Variants in ATP8B4 observed in about 807,000 individuals in gnomAD.
The protein encoded by ATP8B4 is probable phospholipid-transporting ATPase IM.
Under a neutral mutation model 145.6 loss-of-function variants are expected in ATP8B4, and 133 were observed. The ratio of observed to expected loss-of-function variants is 0.91; its 90% CI spans 0.79 to 1.05. The LOEUF is 1.05. Ranked by LOEUF, ATP8B4 falls within the 50% of genes least tolerant of loss-of-function variation. The pLI, the probability that ATP8B4 is intolerant of heterozygous loss-of-function variation, is 0.00. For missense variants in ATP8B4, 1,458 were observed against 1,425.2 expected (o/e 1.02, Z -0.37); for synonymous variants, 507 against 492.9 (o/e 1.03, Z -0.38).
chr15:49,953,919 G>A (rs973893276), intron 14 of ATP8B4, among the ~76,000 whole-genome samples: 2 of 152,186 alleles, frequency 1.3e-5, no homozygotes, highest in Non-Finnish European at 2.9e-5. Flanking sequence ...CTTGGCTGGA[G>A]GCAGGGGGTT....
Position 50,087,284 on chromosome 15 carries a change from AATATATAGATCTATATCTATT to A in ATP8B4, c.29-13120_29-13100del, listed in dbSNP as rs2055251679. On this transcript the variant is annotated intron_variant, in intron 2 of 27. Transcript: ENST00000284509. The stretch of plus-strand genomic sequence containing the variant: ...CTATATGTATTATATATAATAGAAT[AATATATAGATCTATATCTATT>A]ATATATAATAGATATAGATCTATAT... Among the ~76,000 whole-genome samples, 4 of 129,806 alleles carry A rather than the reference AATATATAGATCTATATCTATT, an allele frequency of 3.1e-5. No homozygotes were observed. The Admixed American group carries it at 3.1e-4, about 10-fold the overall frequency. The allele number at this position is 129,806 out of a possible 152,430, so 85.2% of individuals were successfully genotyped here.
chr15:49,897,158 G>T, intron 23 of ATP8B4, 134 bp downstream of exon 23: 1 of 791,368 alleles, frequency 1.3e-6, no homozygotes, highest in East Asian at 2.6e-5. Context: ...TTACATAATT[G>T]TAATACTATT....
At chr15:50,018,976 C>T (rs1471771430) in intron 6 of ATP8B4, 28 of 1,219,586 alleles carry the variant, frequency 2.3e-5, no homozygotes, top group Non-Finnish European at 2.9e-5. Context: ...ACCTTCAGCA[C>T]CTTCATTATG....
In ATP8B4 at chr15:49,898,184, A is replaced by AGACCC; in HGVS notation, c.2356_2357insGGGTC (p.Ile786ArgfsTer16). 6.2e-7 allele frequency: 1 copy of AGACCC among 1,613,916 alleles called. No individual in the cohort carries two copies. The highest frequency in any genetic ancestry group is 8.5e-7 in the Non-Finnish European group (1 of 1,179,890). Reference sequence around the variant, plus strand: ...CTGGAGTGGAGTGACCCTGCAGCAAATTACAGTCTTACACATGCAAGCAAG... The same window carrying AGACCC: ...CTGGAGTGGAGTGACCCTGCAGCAAAGACCCTTACAGTCTTACACATGCAAGCAAG... On this transcript the variant is annotated frameshift_variant, in exon 22 of 28. Coordinates refer to ENST00000284509, the MANE Select transcript of ATP8B4 (RefSeq NM_024837.4). LOFTEE classifies it high-confidence loss of function.
intron 1 of ATP8B4, among the ~76,000 whole-genome samples, chr15:50,118,157 G>A (rs942301206): frequency 6.6e-6 from 1 of 151,972 alleles, no homozygotes; most frequent in African/African-American, 2.4e-5. Context: ...AGATATAAAC[G>A]ATAAAATAAA....
At chr15:50,163,571 G>A (rs1295093311) in intron 1 of ATP8B4, among the ~76,000 whole-genome samples, 1 of 152,200 alleles carries the variant, frequency 6.6e-6, no homozygotes, top group Non-Finnish European at 1.5e-5. Context: ...GACTGAACTG[G>A]GTTGGTCCCA....
intron 6 of ATP8B4, among the ~76,000 whole-genome samples, chr15:50,020,253 C>T (rs1036661324): frequency 6.6e-6 from 1 of 151,074 alleles, no homozygotes; most frequent in African/African-American, 2.4e-5. Context: ...CTGCAACAGG[C>T]CTTGGATGAG....
intron 27 of ATP8B4, among the ~76,000 whole-genome samples, chr15:49,861,469 T>TACCTACCTAC (rs1566884587): frequency 8.4e-5 from 12 of 143,456 alleles, no homozygotes; most frequent in African/African-American, 2.8e-4. Context: ...TATCTATCTA[T>TACCTACCTAC]CTATCTACCT....
chr15:50,016,936 G>A (rs2049136881), intron 6 of ATP8B4, among the ~76,000 whole-genome samples: 1 of 152,278 alleles, frequency 6.6e-6, no homozygotes, highest in South Asian at 2.1e-4. Flanking sequence ...GTGGGCAGGG[G>A]AGGTCTCACT....
intron 1 of ATP8B4, among the ~76,000 whole-genome samples, chr15:50,143,519 C>T (rs1340988373): frequency 1.3e-5 from 2 of 152,228 alleles, no homozygotes; most frequent in South Asian, 2.1e-4. Flanking sequence ...AACTACAAAG[C>T]TTTTGATAAG....
chr15:50,053,967 G>C (rs912481629), intron 3 of ATP8B4, among the ~76,000 whole-genome samples: 1 of 152,140 alleles, frequency 6.6e-6, no homozygotes, highest in Non-Finnish European at 1.5e-5. Context: ...TGGCAAAATG[G>C]AACTAATAAC....
At chr15:49,892,474 G>A (rs1302760253) in intron 23 of ATP8B4, among the ~76,000 whole-genome samples, 1 of 152,158 alleles carries the variant, frequency 6.6e-6, no homozygotes, top group African/African-American at 2.4e-5. Flanking sequence ...TGTAAAGGGA[G>A]AAACATAAAG....
chr15:50,012,703 T>C (rs1329864713), intron 6 of ATP8B4, among the ~76,000 whole-genome samples: 1 of 152,088 alleles, frequency 6.6e-6, no homozygotes, highest in Non-Finnish European at 1.5e-5. Flanking sequence ...AAATAGGTTA[T>C]TTTAAAGAGG....
At chr15:50,035,810 C>G (rs1047867683) in intron 6 of ATP8B4, among the ~76,000 whole-genome samples, 3 of 152,178 alleles carry the variant, frequency 2.0e-5, no homozygotes, top group Non-Finnish European at 4.4e-5. Context: ...GTCCTCCTCT[C>G]CAAAGCTGAC....
At chr15:50,064,107 C>T (rs569658004) in intron 3 of ATP8B4, among the ~76,000 whole-genome samples, 5 of 152,174 alleles carry the variant, frequency 3.3e-5, no homozygotes, top group African/African-American at 1.2e-4. Flanking sequence ...AAGGATAATT[C>T]CACACTGAGA....
intron 6 of ATP8B4, among the ~76,000 whole-genome samples, chr15:50,025,291 ATC>A (rs1173279664): frequency 1.3e-5 from 2 of 152,048 alleles, no homozygotes; most frequent in Non-Finnish European, 2.9e-5. Flanking sequence ...CTTCCACACA[ATC>A]TCTCTGTTAT....
chr15:50,110,723 T>C (rs1200379791), intron 1 of ATP8B4, among the ~76,000 whole-genome samples: 2 of 152,212 alleles, frequency 1.3e-5, no homozygotes, highest in African/African-American at 2.4e-5. Flanking sequence ...CTTAGCTTCA[T>C]CTTATGCCAG....
intron 3 of ATP8B4, among the ~76,000 whole-genome samples, chr15:50,053,818 G>C (rs1174142557): frequency 6.6e-6 from 1 of 152,092 alleles, no homozygotes; most frequent in African/African-American, 2.4e-5. Context: ...AAAATGGGAA[G>C]TATTATTTTT....
chr15:50,152,098 T>C (rs1368170492), intron 1 of ATP8B4, among the ~76,000 whole-genome samples: 1 of 152,148 alleles, frequency 6.6e-6, no homozygotes, highest in African/African-American at 2.4e-5. Context: ...GTTTCTTCAT[T>C]AGAATTTTGA....
Sources: gnomAD v4.1 joint callset for allele counts (sites outside exome capture counted in the v4.1 genomes callset) on GRCh38, gnomAD v4.1.1 for gene constraint, MANE v1.5 for transcripts, NCBI Gene and HGNC (gene_info 2026-07-23, HGNC 2026-07-21) for gene names.